The following SYK variants were observed in gnomAD, a reference collection of about 807,000 sequenced individuals.
The protein encoded by SYK is spleen associated tyrosine kinase, also known as tyrosine-protein kinase SYK.
Under a neutral mutation model 77.8 loss-of-function variants are expected in SYK, and 16 were observed. The ratio of observed to expected loss-of-function variants is 0.21; its 90% CI spans 0.14 to 0.31. The LOEUF is 0.31. Among genes scored for constraint, SYK ranks in the 10% least tolerant of loss-of-function variants. The pLI is 1.00. For synonymous variants in SYK, 312 were observed against 308.7 expected, an observed-to-expected ratio of 1.01 and a Z score of -0.11; for missense variants, 529 against 814.4, an observed-to-expected ratio of 0.65 and a Z score of 4.26.
At position 90,837,049 on chromosome 9, in the gene SYK, A is replaced by T. The variant is rs1425368996; in HGVS notation, c.-41-6809A>T. ...AGTATATGATACATATAACATGCAA[A>T]ATATGTGTTAATCAGTTATTTATGT... On this transcript the variant is annotated intron_variant, in intron 1 of 13. Coordinates refer to ENST00000375754, the MANE Select transcript of SYK (RefSeq NM_003177.7). Among the ~76,000 whole-genome samples the T allele has an allele frequency of 9.1e-4, 139 of 152,144 alleles. 1 individual carries two copies. Among genetic ancestry groups the T allele is most frequent in the African/African-American group, 3.3e-3 (137 of 41,428 alleles).
At chr9:90,803,576 G>A (rs574990404) in intron 1 of SYK, among the ~76,000 whole-genome samples, 1 of 152,128 alleles carries the variant, frequency 6.6e-6, no homozygotes, top group South Asian at 2.1e-4. Flanking sequence ...GAATCACCCT[G>A]ATCTTTGTTA....
chr9:90,865,203 G>A (rs767608162), intron 6 of SYK, 106 bp downstream of exon 6: 56 of 1,113,098 alleles, frequency 5.0e-5, no homozygotes, highest in Admixed American at 1.6e-4. Flanking sequence ...TTTTGATTGC[G>A]CTTCAAAACA....
At chr9:90,854,765 A>T (rs1826956954) in intron 3 of SYK, among the ~76,000 whole-genome samples, 1 of 151,852 alleles carries the variant, frequency 6.6e-6, no homozygotes, top group African/African-American at 2.4e-5. Context: ...GCTTGTTCTT[A>T]TATGCCCTGC....
intron 7 of SYK, among the ~76,000 whole-genome samples, chr9:90,871,395 G>A (rs1827721152): frequency 6.6e-6 from 1 of 152,190 alleles, no homozygotes; most frequent in Admixed American, 6.5e-5. Flanking sequence ...AAGGTTAATA[G>A]TAATGTAGAC....
intron 1 of SYK, among the ~76,000 whole-genome samples, chr9:90,810,386 G>C (rs964813495): frequency 1.3e-5 from 2 of 152,176 alleles, no homozygotes; most frequent in Admixed American, 6.5e-5. Flanking sequence ...TGTTGGAGTA[G>C]GGCTCACCCT....
chr9:90,804,583 G>A (rs1042491527), intron 1 of SYK, among the ~76,000 whole-genome samples: 28 of 152,110 alleles, frequency 1.8e-4, no homozygotes, highest in Admixed American at 1.6e-3. Context: ...CTATAACTGG[G>A]TGGAGAAAAC....
Position 90,895,979 on chromosome 9 carries a change from T to C in SYK, c.*379T>C, listed in dbSNP as rs1049365339. ...GACATTGCAGAGTGGCCTAGAGCAC[T>C]CTCACCCCAAGCGGCCTTTTCCAAA... is the stretch of plus-strand genomic sequence containing the variant. On this transcript the variant is annotated 3_prime_UTR_variant, in exon 14 of 14. Coordinates refer to ENST00000375754, the MANE Select transcript of SYK (RefSeq NM_003177.7). The surrounding 1 kb of genome is among the most constrained non-coding windows in gnomAD (Gnocchi z 4.4). 30 of 253,744 alleles carry C rather than the reference T, an allele frequency of 1.2e-4. No homozygotes were observed. Among genetic ancestry groups the C allele is most frequent in the African/African-American group, 5.6e-4 (26 of 46,466 alleles). 15.7% of individuals were successfully genotyped at this position (253,744 alleles called of 1,614,324 possible).
chr9:90,881,236 A>G (rs1828137731), intron 11 of SYK, among the ~76,000 whole-genome samples: 1 of 152,204 alleles, frequency 6.6e-6, no homozygotes, highest in Non-Finnish European at 1.5e-5. Context: ...TAAAAAGTAA[A>G]CCAAAGATTG....
Position 90,802,427 on chromosome 9 carries a change from C to A in SYK, c.-42+534C>A, listed in dbSNP as rs111313749. ...ACAGCAGTTGCATTCAAACAACAAC[C>A]CTTCTGAACCACTACTAAAATTTAG... On this transcript the variant is annotated intron_variant, in intron 1 of 13. Coordinates refer to ENST00000375754, the MANE Select transcript of SYK (RefSeq NM_003177.7). 1.7e-4 allele frequency among the ~76,000 whole-genome samples: 26 copies of A among 152,296 alleles called. 2 individuals are homozygous for A. Among genetic ancestry groups the A allele is most frequent in the African/African-American group, 5.5e-4 (23 of 41,558 alleles).
intron 3 of SYK, among the ~76,000 whole-genome samples, chr9:90,859,219 C>T (rs774608616): frequency 7.9e-5 from 12 of 152,242 alleles, no homozygotes; most frequent in Non-Finnish European, 1.5e-4. Flanking sequence ...CACACTCATA[C>T]CCATCTGTAC....
rs905481227 is a variant in SYK, at chr9:90,820,116, G to A, written c.-42+18223G>A. ...CAAGAGATGGGTTCCCATGGTCTTG[G>A]ACAGCTTCATCCCTGTGGCTTTGCA... On this transcript the variant is annotated intron_variant, in intron 1 of 13. Coordinates refer to ENST00000375754, the MANE Select transcript of SYK (RefSeq NM_003177.7). Among the ~76,000 whole-genome samples the A allele has an allele frequency of 1.1e-4, 16 of 152,336 alleles. 2 individuals are homozygous for A. The highest frequency in any genetic ancestry group is 9.8e-4 in the Admixed American group (15 of 15,296).
intron 1 of SYK, among the ~76,000 whole-genome samples, chr9:90,842,388 TGTA>T (rs929850191): frequency 2.0e-5 from 3 of 151,078 alleles, no homozygotes; most frequent in African/African-American, 7.3e-5. Context: ...GTAGTGCGCA[TGTA>T]GTCATGTGGT....
chr9:90,849,329 C>T (rs1826728217), intron 3 of SYK, among the ~76,000 whole-genome samples: 1 of 152,162 alleles, frequency 6.6e-6, no homozygotes, highest in South Asian at 2.1e-4. Flanking sequence ...ATCTCCTGTC[C>T]ACCCCACCCA....
At chr9:90,828,652 T>G (rs1280143384) in intron 1 of SYK, among the ~76,000 whole-genome samples, 1 of 152,206 alleles carries the variant, frequency 6.6e-6, no homozygotes, top group Non-Finnish European at 1.5e-5. Context: ...CTGTTAATTA[T>G]TCACAAAAGC....
chr9:90,854,543 T>A (rs1264700728), intron 3 of SYK, among the ~76,000 whole-genome samples: 3 of 152,126 alleles, frequency 2.0e-5, no homozygotes, highest in Admixed American at 1.3e-4. Flanking sequence ...CTGTACATGA[T>A]CTCTTGGGAC....
At position 90,849,735 on chromosome 9, in the gene SYK, G is replaced by A. The variant is rs1826744501; in HGVS notation, c.578+4141G>A. Among the ~76,000 whole-genome samples the A allele has an allele frequency of 2.0e-5, 3 of 152,220 alleles. No individual in the cohort carries two copies. In the South Asian group the frequency reaches 6.2e-4, roughly 32 times the overall value. ...CCATTCGGGTTGTCTGGCCTCAAAT[G>A]CTGGCTCCACCTTATCACCAGCTAT... On this transcript the variant is annotated intron_variant, in intron 3 of 13. Coordinates refer to ENST00000375754, the MANE Select transcript of SYK (RefSeq NM_003177.7).
At chr9:90,843,492 A>G (rs1826453954) in intron 1 of SYK, among the ~76,000 whole-genome samples, 1 of 152,146 alleles carries the variant, frequency 6.6e-6, no homozygotes, top group South Asian at 2.1e-4. Flanking sequence ...TGCCTCCTGT[A>G]TGCTGCTGGG....
At chr9:90,884,366 C>CACACAT (rs1564120725) in intron 11 of SYK, among the ~76,000 whole-genome samples, 39 of 145,396 alleles carry the variant, frequency 2.7e-4, no homozygotes, top group Admixed American at 4.8e-4. Context: ...TGTATACATA[C>CACACAT]ATACACACAT....
At chr9:90,864,986 G>A (rs1471000049) in intron 5 of SYK, 62 bp from the exon 6 acceptor site, 1 of 1,503,690 alleles carries the variant, frequency 6.7e-7, no homozygotes, top group Non-Finnish European at 9.3e-7. Context: ...ATCTGCAGTG[G>A]GGAGGGGAAG....
Sources: gnomAD v4.1 joint callset for allele counts (sites outside exome capture counted in the v4.1 genomes callset) on GRCh38, gnomAD v4.1.1 for gene constraint, Gnocchi (gnomAD v3.1) non-coding constraint, MANE v1.5 for transcripts, NCBI Gene and HGNC (gene_info 2026-07-23, HGNC 2026-07-21) for gene names.